PTK7: variants seen among roughly 807,000 people sequenced by gnomAD.
PTK7 encodes protein tyrosine kinase 7 (inactive).
In PTK7, 39 loss-of-function variants were observed where a neutral mutation model predicts 116.6. The observed-to-expected ratio is 0.33, with a 90% CI of 0.26 to 0.44. The LOEUF (loss-of-function observed/expected upper bound fraction) is 0.44, where lower values mean the gene tolerates loss of function less well. PTK7 is among the 20% of genes least tolerant of loss of function. The pLI, the probability that PTK7 is intolerant of heterozygous loss-of-function variation, is 1.00. For synonymous variants in PTK7, 546 were observed against 563.6 expected, an observed-to-expected ratio of 0.97 and a Z score of 0.44; for missense variants, 1,169 against 1,425.6, an observed-to-expected ratio of 0.82 and a Z score of 2.90.
Position 43,139,025 on chromosome 6 carries a change from C to A in PTK7, c.1362+43C>A. On this transcript the variant is annotated intron_variant, in intron 8 of 19. Transcript: ENST00000230419. This position sits in a 1 kb window ranked among gnomAD's most constrained non-coding sequence, Gnocchi z 4.6. Reference sequence around the variant, plus strand: ...TGCTAGTGGATGGGCGGGGCCTTCCCTCCACTTGCCCTCTTCTGTGCTCAC... The same window carrying A: ...TGCTAGTGGATGGGCGGGGCCTTCCATCCACTTGCCCTCTTCTGTGCTCAC... 6.2e-7 allele frequency: 1 copy of A among 1,607,762 alleles called. No homozygotes were observed. The highest frequency in any genetic ancestry group is 8.5e-7 in the Non-Finnish European group (1 of 1,175,556).
Position 43,158,806 on chromosome 6 carries a change from T to C in PTK7, c.2722-11T>C. ...CCTGGGCTGCTCTAACAGGCCCCTT[T>C]ATCTCTCCAGGTGGCCCTATGCACC... is the stretch of plus-strand genomic sequence containing the variant. On this transcript the variant is annotated splice_polypyrimidine_tract_variant and intron_variant, in intron 17 of 19. Coordinates refer to ENST00000230419, the MANE Select transcript of PTK7 (RefSeq NM_002821.5). The C allele has an allele frequency of 6.2e-7, 1 of 1,613,200 alleles. No homozygotes were observed. Among genetic ancestry groups the C allele is most frequent in the Non-Finnish European group, 8.5e-7 (1 of 1,179,606 alleles).
intron 1 of PTK7, among the ~76,000 whole-genome samples, chr6:43,102,598 A>C (rs142757127): frequency 0.022 from 3,330 of 151,724 alleles, 55 homozygotes; most frequent in Non-Finnish European, 0.034. Context: ...CCCCTACCCC[A>C]CCAAAAAAAA....
chr6:43,117,455 T>C lies in PTK7; in HGVS notation c.80-11522T>C, dbSNP rs566846218. ...GGGAATGTGGGTAACAGGGAATTAA[T>C]GAGTGAAATGAGAAGCAGCCAGTGT... On this transcript the variant is annotated intron_variant, in intron 1 of 19. Transcript: ENST00000230419. Among the ~76,000 whole-genome samples the C allele has an allele frequency of 6.6e-5, 10 of 152,210 alleles. No homozygotes were observed. In the South Asian group the frequency reaches 2.1e-3, roughly 32 times the overall value.
chr6:43,077,446 T>TA (rs1766117201), intron 1 of PTK7, among the ~76,000 whole-genome samples: 1 of 152,168 alleles, frequency 6.6e-6, no homozygotes, highest in East Asian at 1.9e-4. Flanking sequence ...CTTAGCATTT[T>TA]AACGAGGGTG....
chr6:43,129,786 C>G lies in PTK7; in HGVS notation c.427C>G (p.Gln143Glu), dbSNP rs770967533. The G allele has an allele frequency of 6.2e-7, 1 of 1,614,234 alleles. No homozygotes were observed. The highest frequency in any genetic ancestry group is 8.5e-7 in the Non-Finnish European group (1 of 1,180,046). The change falls in exon 3 of 20, where the codon CAG (glutamine) becomes GAG (glutamate). Residue 143 changes from glutamine to glutamate, a missense_variant. Physicochemically the swap from Gln to Glu is conservative, Grantham distance 29. Transcript: ENST00000230419. The surrounding 1 kb of genome is among the most constrained non-coding windows in gnomAD (Gnocchi z 4.5). ...HPASEAEIQP[Q>E]TQVTLRCHID... ...AGCCTCGGAAGCTGAGATCCAGCCA[C>G]AGACCCAGGTCACACTTCGTTGCCA... is the stretch of plus-strand genomic sequence containing the variant.
intron 1 of PTK7, among the ~76,000 whole-genome samples, chr6:43,128,584 A>C (rs1047116722): frequency 1.3e-5 from 2 of 152,166 alleles, no homozygotes; most frequent in Non-Finnish European, 2.9e-5. Flanking sequence ...CAGGGGTTCG[A>C]GACCAGCCTG....
At position 43,130,587 on chromosome 6, in the gene PTK7, C is replaced by T; in HGVS notation, c.738C>T (p.Cys246=). Residue 246 remains cysteine, a synonymous_variant, in exon 5 of 20, where the codon TGC becomes TGT. Transcript: ENST00000230419. The stretch of plus-strand genomic sequence containing the variant: ...GGTATGAGGAGGCCATGTTCCATTG[C>T]CAGTTCTCAGCCCAGCCACCCCCGA... ...VARYEEAMFH[C]QFSAQPPPSL... is the part of the protein sequence containing the mutation. The T allele has an allele frequency of 6.2e-7, 1 of 1,614,170 alleles. No individual in the cohort carries two copies. The highest frequency in any genetic ancestry group is 1.3e-5 in the African/African-American group (1 of 75,038).
chr6:43,152,592 T>A (rs1180134181), intron 17 of PTK7, among the ~76,000 whole-genome samples: 1 of 152,252 alleles, frequency 6.6e-6, no homozygotes, highest in Non-Finnish European at 1.5e-5. Context: ...GCACTGCCTG[T>A]TAGAGCCTCA....
chr6:43,116,604 TTGTGTGTGTGTGTGTGTGTGTGTG>T (rs751605217), intron 1 of PTK7, among the ~76,000 whole-genome samples: 507 of 119,164 alleles, frequency 4.3e-3, no homozygotes, highest in Non-Finnish European at 6.3e-3. Flanking sequence ...AAAAGCTGGT[TTGTGTGTGTGTGTGTGTGTGTGTG>T]TGTGTGTGTG....
intron 1 of PTK7, among the ~76,000 whole-genome samples, chr6:43,113,331 C>A (rs554435581): frequency 6.6e-6 from 1 of 152,084 alleles, no homozygotes; most frequent in South Asian, 2.1e-4. Flanking sequence ...TACTAGGGAG[C>A]CTGAGGCAGG....
At chr6:43,116,709 A>AT (rs1768571354) in intron 1 of PTK7, among the ~76,000 whole-genome samples, 1 of 151,950 alleles carries the variant, frequency 6.6e-6, no homozygotes, top group African/African-American at 2.4e-5. Context: ...TTCTGAGGAT[A>AT]CCCAGAGGAG....
chr6:43,160,695 C>T (rs543502922), intron 19 of PTK7, 26 bp from the exon 20 acceptor site: 6 of 1,612,494 alleles, frequency 3.7e-6, no homozygotes, highest in East Asian at 4.5e-5. Flanking sequence ...TTTTGGCCAA[C>T]ACTGCACCTG....
At chr6:43,140,516 G>T (rs1027010066) in intron 10 of PTK7, among the ~76,000 whole-genome samples, 2 of 151,356 alleles carry the variant, frequency 1.3e-5, no homozygotes, top group Non-Finnish European at 2.9e-5. Context: ...ATCTTTGGGT[G>T]TATGTCTTCT....
intron 17 of PTK7, among the ~76,000 whole-genome samples, chr6:43,148,365 CAGAA>C (rs1022358166): frequency 2.0e-5 from 3 of 152,264 alleles, no homozygotes. Context: ...TGAGGTAAAA[CAGAA>C]AGCAAGTGGG....
In PTK7 at chr6:43,093,928, G is replaced by A. The variant is rs191674978; in HGVS notation, c.79+17361G>A. Among the ~76,000 whole-genome samples, 5 of 152,334 alleles carry A rather than the reference G, an allele frequency of 3.3e-5. No individual in the cohort carries two copies. The East Asian group carries it at 7.7e-4, about 24-fold the overall frequency. On this transcript the variant is annotated intron_variant, in intron 1 of 19. Coordinates refer to ENST00000230419, the MANE Select transcript of PTK7 (RefSeq NM_002821.5). ...TTCCCACTGGCCACTTCATGCAAAT[G>A]TCATGCTCCTGTGCAAACATCTCAT...
At chr6:43,083,223 C>CTT (rs1766472482) in intron 1 of PTK7, among the ~76,000 whole-genome samples, 1 of 152,264 alleles carries the variant, frequency 6.6e-6, no homozygotes, top group East Asian at 1.9e-4. Flanking sequence ...CAGTAGATGC[C>CTT]TCTCTGCTGC....
At chr6:43,106,279 A>G (rs764448220) in intron 1 of PTK7, among the ~76,000 whole-genome samples, 3 of 151,688 alleles carry the variant, frequency 2.0e-5, no homozygotes, top group East Asian at 1.9e-4. Flanking sequence ...GACTTGTTCT[A>G]TTTGCCAAGT....
chr6:43,157,364 A>ATATATTTTT (rs70990168), intron 17 of PTK7, among the ~76,000 whole-genome samples: 4 of 54,364 alleles, frequency 7.4e-5, no homozygotes, highest in East Asian at 8.0e-4. Context: ...ATATATATAT[A>ATATATTTTT]TTTTTTTTTT....
At chr6:43,101,391 A>C (rs947060629) in intron 1 of PTK7, among the ~76,000 whole-genome samples, 1 of 151,628 alleles carries the variant, frequency 6.6e-6, no homozygotes, top group Admixed American at 6.6e-5. Flanking sequence ...TCTCTACTAA[A>C]AATACAAAAA....
Sources: allele counts gnomAD v4.1 joint callset (sites outside exome capture counted in the v4.1 genomes callset), GRCh38; gene constraint gnomAD v4.1.1; non-coding constraint Gnocchi (gnomAD v3.1); transcripts MANE v1.5; gene names NCBI Gene and HGNC (gene_info 2026-07-23, HGNC 2026-07-21).